Variants in CSMD1 observed in about 807,000 individuals in gnomAD.
CSMD1 encodes CUB and Sushi multiple domains 1, also known as CUB and sushi domain-containing protein 1.
In CSMD1, 213 loss-of-function variants were observed where a neutral mutation model predicts 417.5. That is an observed-to-expected ratio of 0.51 (90% confidence interval 0.46 to 0.57). The LOEUF is 0.57. CSMD1 is among the 20% of genes least tolerant of loss of function. The pLI is 0.00. For missense variants in CSMD1, 6,923 were observed against 4,529.7 expected, an observed-to-expected ratio of 1.53 and a Z score of -15.17; for synonymous variants, 2,862 against 1,736.8, an observed-to-expected ratio of 1.65 and a Z score of -16.11.
chr8:4,904,653 G>C (rs1805118514), intron 1 of CSMD1, among the ~76,000 whole-genome samples: 1 of 152,262 alleles, frequency 6.6e-6, no homozygotes, highest in Middle Eastern at 3.4e-3. Flanking sequence ...AGAAGTTCAA[G>C]AGTGTTGTGA....
chr8:4,302,608 C>A (rs1798038167), intron 3 of CSMD1, among the ~76,000 whole-genome samples: 1 of 152,174 alleles, frequency 6.6e-6, no homozygotes, highest in Non-Finnish European at 1.5e-5. Flanking sequence ...GGGATTCTCT[C>A]CTATGTTGTT....
intron 5 of CSMD1, among the ~76,000 whole-genome samples, chr8:3,883,856 A>G (rs910108717): frequency 6.6e-6 from 1 of 152,112 alleles, no homozygotes; most frequent in Non-Finnish European, 1.5e-5. Flanking sequence ...TTTTGACAGA[A>G]AAGAGGAAAA....
At chr8:4,780,408 T>C (rs888393753) in intron 1 of CSMD1, among the ~76,000 whole-genome samples, 1 of 150,838 alleles carries the variant, frequency 6.6e-6, no homozygotes, top group Non-Finnish European at 1.5e-5. Flanking sequence ...TTCTGATTGA[T>C]CAGTCGATCT....
chr8:4,519,261 A>C (rs1157534636), intron 2 of CSMD1, among the ~76,000 whole-genome samples: 1 of 152,138 alleles, frequency 6.6e-6, no homozygotes, highest in Admixed American at 6.5e-5. Flanking sequence ...TGGCCTGGCA[A>C]ATTATATGGA....
chr8:3,971,488 T>C (rs1012151547), intron 5 of CSMD1, among the ~76,000 whole-genome samples: 5 of 152,242 alleles, frequency 3.3e-5, no homozygotes, highest in African/African-American at 1.2e-4. Context: ...TTAAAAAATC[T>C]ATGTGATAAA....
At chr8:3,171,987 C>T (rs1248769209) in intron 37 of CSMD1, among the ~76,000 whole-genome samples, 2 of 152,150 alleles carry the variant, frequency 1.3e-5, no homozygotes, top group African/African-American at 2.4e-5. Flanking sequence ...CTAGACTTAC[C>T]TAAATGATAT....
intron 1 of CSMD1, among the ~76,000 whole-genome samples, chr8:4,919,263 A>T (rs1806275486): frequency 6.6e-6 from 1 of 152,202 alleles, no homozygotes; most frequent in African/African-American, 2.4e-5. Flanking sequence ...GCCCAAAGGG[A>T]AAAAGAAGAG....
intron 2 of CSMD1, among the ~76,000 whole-genome samples, chr8:4,565,775 TATATATATATATA>T (rs1563291901): frequency 9.5e-5 from 4 of 42,076 alleles, no homozygotes; most frequent in African/African-American, 2.3e-4. Context: ...TATATATATA[TATATATATATATA>T]TATATATATG....
intron 3 of CSMD1, among the ~76,000 whole-genome samples, chr8:4,165,840 C>T (rs1028960072): frequency 3.3e-5 from 5 of 152,180 alleles, no homozygotes; most frequent in South Asian, 4.1e-4. Flanking sequence ...AAACTAATTG[C>T]GTTTTTTGCC....
chr8:2,974,695 T>C (rs674167), intron 55 of CSMD1, 71 bp from the exon 56 acceptor site: 8 of 1,155,334 alleles, frequency 6.9e-6, no homozygotes, highest in Non-Finnish European at 9.6e-6. Context: ...AAATCTCCCA[T>C]ACAGACACCC....
intron 5 of CSMD1, among the ~76,000 whole-genome samples, chr8:3,770,670 C>T (rs1187088276): frequency 6.6e-6 from 1 of 152,200 alleles, no homozygotes; most frequent in East Asian, 1.9e-4. Flanking sequence ...TCATGACTGA[C>T]TGTCGCCCCA....
At chr8:4,844,507 G>C (rs1179004891) in intron 1 of CSMD1, among the ~76,000 whole-genome samples, 1 of 152,054 alleles carries the variant, frequency 6.6e-6, no homozygotes, top group Non-Finnish European at 1.5e-5. Flanking sequence ...TCTTGGCCGC[G>C]TCAAGGTCAG....
chr8:3,461,634 C>G (rs369910888), intron 12 of CSMD1, among the ~76,000 whole-genome samples: 1 of 152,168 alleles, frequency 6.6e-6, no homozygotes, highest in African/African-American at 2.4e-5. Context: ...TCCCTGTGGC[C>G]CAGCATCTTC....
intron 1 of CSMD1, among the ~76,000 whole-genome samples, chr8:4,784,165 C>A (rs1470508758): frequency 6.6e-6 from 1 of 152,170 alleles, no homozygotes; most frequent in Non-Finnish European, 1.5e-5. Context: ...TATTTATGTA[C>A]TCAAGTAAAA....
Position 3,230,216 on chromosome 8 carries a change from G to C in CSMD1, c.4169C>G (p.Thr1390Ser). The change falls in exon 27 of 70, where the codon ACC becomes AGC. Residue 1390 changes from threonine (T) to serine (S), a missense_variant. Physicochemically the swap from Thr to Ser is moderately conservative, Grantham distance 58. Coordinates refer to ENST00000635120, the MANE Select transcript of CSMD1 (RefSeq NM_033225.6). ...TTGGGGCATACCTGGATCGTTACAGGTGGCTGCAATTGAGGCTGCAAACAA... is the reference window on the plus strand; with the variant it reads ...TTGGGGCATACCTGGATCGTTACAGCTGGCTGCAATTGAGGCTGCAAACAA... The part of the protein sequence containing the change: ...SIQFSTSIAA[T>S]CNDPGMPQNG... The C allele has an allele frequency of 6.3e-7, 1 of 1,592,020 alleles. No homozygotes were observed. The highest frequency in any genetic ancestry group is 8.6e-7 in the Non-Finnish European group (1 of 1,168,684).
intron 3 of CSMD1, among the ~76,000 whole-genome samples, chr8:4,043,085 T>C (rs148883063): frequency 0.011 from 1,638 of 151,892 alleles, 100 homozygotes; most frequent in Admixed American, 0.096. Context: ...TGAGCGGAAA[T>C]TGCACCACTG....
chr8:3,264,791 C>G (rs1036951626), intron 26 of CSMD1, among the ~76,000 whole-genome samples: 4 of 152,066 alleles, frequency 2.6e-5, no homozygotes, highest in Admixed American at 1.3e-4. Flanking sequence ...AAACCCAGGC[C>G]AGAAACAGTG....
chr8:4,306,298 T>C (rs1429250900), intron 3 of CSMD1, among the ~76,000 whole-genome samples: 2 of 152,310 alleles, frequency 1.3e-5, no homozygotes, highest in East Asian at 1.9e-4. Context: ...CACTAAATAA[T>C]ATATAACAGC....
chr8:4,338,391 A>T (rs74869948), intron 3 of CSMD1, among the ~76,000 whole-genome samples: 3,074 of 152,226 alleles, frequency 0.02, 49 homozygotes, highest in Non-Finnish European at 0.032. Context: ...AAATTACGTA[A>T]AAGTACATAC....
Sources: allele counts gnomAD v4.1 joint callset (sites outside exome capture counted in the v4.1 genomes callset), GRCh38; gene constraint gnomAD v4.1.1; transcripts MANE v1.5; gene names NCBI Gene and HGNC (gene_info 2026-07-23, HGNC 2026-07-21).